Variants in KCNB2 observed in about 807,000 individuals in gnomAD.
The protein encoded by KCNB2 is delayed rectifier potassium channel protein.
In KCNB2, 15 loss-of-function variants were observed where a neutral mutation model predicts 61.5. The observed-to-expected ratio is 0.24, with a 90% CI of 0.16 to 0.38. The LOEUF (loss-of-function observed/expected upper bound fraction) is 0.38, where lower values mean the gene tolerates loss of function less well. KCNB2 is among the 10% of genes least tolerant of loss of function. The pLI is 1.00. For missense variants in KCNB2, 828 were observed against 1,125.2 expected (o/e 0.74, Z 3.78); for synonymous variants, 457 against 446.0 (o/e 1.02, Z -0.31).
At chr8:72,906,291 T>C (rs962558059) in intron 2 of KCNB2, among the ~76,000 whole-genome samples, 1 of 152,224 alleles carries the variant, frequency 6.6e-6, no homozygotes. Flanking sequence ...AAAACTCCTA[T>C]TTTAAGAAGC....
At position 72,568,213 on chromosome 8, in the gene KCNB2, G is replaced by C; in HGVS notation, c.479G>C (p.Arg160Pro). The C allele has an allele frequency of 6.2e-7, 1 of 1,614,144 alleles. No homozygotes were observed. Among genetic ancestry groups the C allele is most frequent in the Non-Finnish European group, 8.5e-7 (1 of 1,180,036 alleles). The part of the protein sequence containing the change: ...EELRREAETM[R>P]EREGEEFDNT... ...CTGAGGCGAGAGGCAGAGACTATGC[G>C]AGAGCGAGAAGGAGAAGAGTTTGAT... is the stretch of plus-strand genomic sequence containing the variant. Residue 160 changes from arginine (R) to proline (P), a missense_variant, in exon 2 of 3, where the codon CGA (arginine) becomes CCA (proline). Physicochemically the swap from Arg to Pro is moderately radical, Grantham distance 103 (BLOSUM62 -2). This residue lies in a region of KCNB2 where 163 missense variants were observed against 314.4 expected (regional missense o/e 0.52). Coordinates refer to ENST00000523207, the MANE Select transcript of KCNB2 (RefSeq NM_004770.3).
chr8:72,854,554 C>T (rs66880351), intron 2 of KCNB2, among the ~76,000 whole-genome samples: 33,401 of 152,062 alleles, frequency 0.22, 4,062 homozygotes, highest in Non-Finnish European at 0.28. Flanking sequence ...TGAGGAGAAA[C>T]ATATACGACA....
chr8:72,594,238 AT>A (rs1407027416), intron 2 of KCNB2, among the ~76,000 whole-genome samples: 1 of 152,214 alleles, frequency 6.6e-6, no homozygotes, highest in East Asian at 1.9e-4. Context: ...GTTGTTTTCA[AT>A]TTCCAAAAAG....
At chr8:72,737,715 C>G (rs879477260) in intron 2 of KCNB2, among the ~76,000 whole-genome samples, 4 of 152,128 alleles carry the variant, frequency 2.6e-5, no homozygotes, top group African/African-American at 4.8e-5. Context: ...ACTGGGGCAA[C>G]AGTTGAGGAG....
chr8:72,893,318 C>A (rs1201850131), intron 2 of KCNB2, among the ~76,000 whole-genome samples: 1 of 151,962 alleles, frequency 6.6e-6, no homozygotes, highest in Non-Finnish European at 1.5e-5. Flanking sequence ...CAACATGGGG[C>A]AAAAACTATA....
chr8:72,545,988 A>G (rs1467408842), intron 1 of KCNB2, among the ~76,000 whole-genome samples: 1 of 152,192 alleles, frequency 6.6e-6, no homozygotes, highest in Non-Finnish European at 1.5e-5. Flanking sequence ...AACTCTCTTC[A>G]ATTCCATGAA....
At chr8:72,642,785 C>T (rs963619460) in intron 2 of KCNB2, among the ~76,000 whole-genome samples, 3 of 152,068 alleles carry the variant, frequency 2.0e-5, no homozygotes, top group Non-Finnish European at 2.9e-5. Context: ...CTTCTTTGTT[C>T]GGAGCAAAAT....
chr8:72,676,858 G>C (rs1217992643), intron 2 of KCNB2, among the ~76,000 whole-genome samples: 1 of 152,026 alleles, frequency 6.6e-6, no homozygotes, highest in African/African-American at 2.4e-5. Context: ...TACACATTCT[G>C]TTCCTTCCCT....
intron 2 of KCNB2, among the ~76,000 whole-genome samples, chr8:72,620,839 C>G (rs913961008): frequency 6.6e-6 from 1 of 152,114 alleles, no homozygotes; most frequent in South Asian, 2.1e-4. Context: ...AACTCCTGAC[C>G]TCAGTTGATC....
intron 2 of KCNB2, among the ~76,000 whole-genome samples, chr8:72,909,992 A>C (rs56957326): frequency 0.026 from 3,988 of 152,194 alleles, 143 homozygotes; most frequent in African/African-American, 0.088. Flanking sequence ...AAGGAGAGAG[A>C]TCCCAATCAT....
chr8:72,664,229 C>G (rs1213264956), intron 2 of KCNB2, among the ~76,000 whole-genome samples: 1 of 152,170 alleles, frequency 6.6e-6, no homozygotes, highest in Non-Finnish European at 1.5e-5. Context: ...GCAGCGCCCT[C>G]CCAGGTGAGG....
At chr8:72,579,824 C>G (rs1285493404) in intron 2 of KCNB2, among the ~76,000 whole-genome samples, 3 of 152,186 alleles carry the variant, frequency 2.0e-5, no homozygotes, top group Admixed American at 6.5e-5. Flanking sequence ...CTTACTCTAT[C>G]TTCTTATTCT....
chr8:72,770,503 A>G (rs1360435196), intron 2 of KCNB2, among the ~76,000 whole-genome samples: 2 of 152,220 alleles, frequency 1.3e-5, no homozygotes, highest in African/African-American at 4.8e-5. Context: ...CAAAATTAGC[A>G]GTGAGGAGGG....
chr8:72,804,318 T>G (rs756962701), intron 2 of KCNB2, among the ~76,000 whole-genome samples: 7 of 152,086 alleles, frequency 4.6e-5, no homozygotes, highest in African/African-American at 1.7e-4. Flanking sequence ...TTACTACATA[T>G]CCTTCTCTTT....
At position 72,936,665 on chromosome 8, in the gene KCNB2, G is replaced by A; in HGVS notation, c.1310G>A (p.Arg437Lys). 6.2e-7 allele frequency: 1 copy of A among 1,614,156 alleles called. No individual in the cohort carries two copies. Among genetic ancestry groups the A allele is most frequent in the Non-Finnish European group, 8.5e-7 (1 of 1,180,030 alleles). ...CGCCAAGAGAAAGCAATTAAAAGGA[G>A]GGAGGCTCTTGAGCGGGCCAAAAGG... ...QKRQEKAIKR[R>K]EALERAKRNG... Residue 437 changes from arginine to lysine, a missense_variant, in exon 3 of 3, where the codon AGG (arginine) becomes AAG (lysine). Physicochemically the swap from Arg to Lys is conservative, Grantham distance 26 (BLOSUM62 2). Around this residue, in one of 4 missense-constraint regions of KCNB2, gnomAD observed 559 missense variants for 588.4 expected, o/e 0.95. Coordinates refer to ENST00000523207, the MANE Select transcript of KCNB2 (RefSeq NM_004770.3). The surrounding 1 kb of genome is among the most constrained non-coding windows in gnomAD (Gnocchi z 5.6).
chr8:72,747,299 C>G (rs927488116), intron 2 of KCNB2, among the ~76,000 whole-genome samples: 4 of 152,110 alleles, frequency 2.6e-5, no homozygotes, highest in Admixed American at 2.0e-4. Flanking sequence ...GGAGCTGTCC[C>G]TAGTTGCATG....
chr8:72,657,751 T>C (rs544151472), intron 2 of KCNB2, among the ~76,000 whole-genome samples: 18 of 152,280 alleles, frequency 1.2e-4, no homozygotes, highest in Non-Finnish European at 1.6e-4. Context: ...GAGAGACTCG[T>C]TAAATAGTTC....
At chr8:72,549,641 G>T (rs1278629535) in intron 1 of KCNB2, among the ~76,000 whole-genome samples, 3 of 152,120 alleles carry the variant, frequency 2.0e-5, no homozygotes, top group African/African-American at 7.2e-5. Context: ...CCCTGCTGTC[G>T]TCATATTTCT....
chr8:72,839,015 C>T (rs1376116969), intron 2 of KCNB2, among the ~76,000 whole-genome samples: 1 of 152,016 alleles, frequency 6.6e-6, no homozygotes, highest in African/African-American at 2.4e-5. Context: ...TTTTAATTCA[C>T]AAGGTAATCT....
Sources: allele counts gnomAD v4.1 joint callset (sites outside exome capture counted in the v4.1 genomes callset), GRCh38; gene constraint gnomAD v4.1.1; regional missense constraint gnomAD v4.1.1; non-coding constraint Gnocchi (gnomAD v3.1); transcripts MANE v1.5; gene names NCBI Gene and HGNC (gene_info 2026-07-23, HGNC 2026-07-21).